TXLNB: variants seen among roughly 807,000 people sequenced by gnomAD.
TXLNB encodes beta-taxilin.
A neutral mutation model predicts 57.4 loss-of-function variants in TXLNB; 37 were observed. The observed-to-expected ratio is 0.64, with a 90% CI of 0.50 to 0.85. The LOEUF (loss-of-function observed/expected upper bound fraction) is 0.85, where lower values mean the gene tolerates loss of function less well. TXLNB is among the 40% of genes least tolerant of loss of function. The pLI is 0.00. For missense variants in TXLNB, 848 were observed against 825.6 expected (o/e 1.03, Z -0.33); for synonymous variants, 302 against 309.6 (o/e 0.98, Z 0.26).
upstream of TXLNB, among the ~76,000 whole-genome samples, chr6:139,296,912 C>CAAAG (rs927939817): frequency 6.6e-6 from 1 of 150,504 alleles, no homozygotes; most frequent in African/African-American, 2.5e-5. Flanking sequence ...AACAAACAAA[C>CAAAG]AAAGCCAACA....
the TXLNB span, among the ~76,000 whole-genome samples, chr6:139,171,229 G>T: frequency 6.6e-6 from 1 of 151,240 alleles, no homozygotes; most frequent in African/African-American, 2.4e-5. Flanking sequence ...AGGAAGAAAA[G>T]AGAAAAAAAA....
chr6:139,214,289 T>G, the TXLNB span, among the ~76,000 whole-genome samples: 1 of 152,304 alleles, frequency 6.6e-6, no homozygotes, highest in African/African-American at 2.4e-5. Flanking sequence ...CATGATCAAG[T>G]GGGCTTCATC....
At chr6:139,297,041 G>T in the TXLNB span, among the ~76,000 whole-genome samples, 2 of 152,034 alleles carry the variant, frequency 1.3e-5, no homozygotes, top group Non-Finnish European at 2.9e-5. Flanking sequence ...AGGGAAATCA[G>T]CTTGCCCCTC....
chr6:139,219,949 C>T, the TXLNB span, among the ~76,000 whole-genome samples: 6 of 152,268 alleles, frequency 3.9e-5, no homozygotes, highest in East Asian at 1.9e-4. Context: ...ATATGGTCAC[C>T]GTAATTACCC....
the TXLNB span, among the ~76,000 whole-genome samples, chr6:139,223,852 T>G: frequency 1.3e-5 from 2 of 151,838 alleles, no homozygotes; most frequent in Non-Finnish European, 2.9e-5. Flanking sequence ...TTGGTGAGAC[T>G]GTAAACTAGT....
chr6:139,173,822 AAG>A, the TXLNB span, among the ~76,000 whole-genome samples: 1 of 152,232 alleles, frequency 6.6e-6, no homozygotes, highest in Non-Finnish European at 1.5e-5. Context: ...AATTACGAGT[AAG>A]ATATAATTCT....
chr6:139,183,116 A>T, the TXLNB span: 1 of 152,326 alleles, frequency 6.6e-6, no homozygotes, highest in African/African-American at 2.4e-5. Flanking sequence ...CCCACATGGT[A>T]AATGTTTGTG....
At chr6:139,295,022 TCA>T (rs1253915634), upstream of TXLNB, among the ~76,000 whole-genome samples, 1 of 152,034 alleles carries the variant, frequency 6.6e-6, no homozygotes, top group Non-Finnish European at 1.5e-5. Context: ...TATTAGTCAC[TCA>T]GTTTATGTTA....
chr6:139,262,904 T>C, intron 4 of TXLNB, 131 bp from the exon 5 acceptor site: 1 of 815,836 alleles, frequency 1.2e-6, no homozygotes, highest in Non-Finnish European at 1.9e-6. Flanking sequence ...GAGCTAAAGC[T>C]GCTCAGCCCC....
the TXLNB span, among the ~76,000 whole-genome samples, chr6:139,227,616 C>T: frequency 1.3e-5 from 2 of 152,110 alleles, no homozygotes; most frequent in African/African-American, 2.4e-5. Context: ...CTGTAGTGGA[C>T]ACTAATTGGA....
At chr6:139,305,966 G>A in the TXLNB span, among the ~76,000 whole-genome samples, 1 of 152,058 alleles carries the variant, frequency 6.6e-6, no homozygotes, top group East Asian at 1.9e-4. Context: ...ATTAATATTC[G>A]TGTAAAGTAG....
At chr6:139,212,221 C>T in the TXLNB span, among the ~76,000 whole-genome samples, 1 of 152,114 alleles carries the variant, frequency 6.6e-6, no homozygotes, top group Non-Finnish European at 1.5e-5. Context: ...TTAAGCGCAG[C>T]CAGAGAGAAA....
chr6:139,206,673 C>CAA, the TXLNB span, among the ~76,000 whole-genome samples: 451 of 118,794 alleles, frequency 3.8e-3, 1 homozygote, highest in Middle Eastern at 0.013. Flanking sequence ...GACTCCATCT[C>CAA]AAAAAAAAAA....
the TXLNB span, chr6:139,176,797 G>A: frequency 1.6e-6 from 1 of 615,324 alleles, no homozygotes. The surrounding 1 kb of genome is among the most constrained non-coding windows in gnomAD (Gnocchi z 4.5). Flanking sequence ...AGTCTTTCAG[G>A]TATACCCCGT....
At chr6:139,180,976 G>A in the TXLNB span, among the ~76,000 whole-genome samples, 1 of 152,150 alleles carries the variant, frequency 6.6e-6, no homozygotes, top group African/African-American at 2.4e-5. Context: ...CTTTTTTGCT[G>A]CTTGCGTCAT....
chr6:139,272,160 A>G (rs1776781505), intron 3 of TXLNB, among the ~76,000 whole-genome samples: 1 of 151,984 alleles, frequency 6.6e-6, no homozygotes, highest in South Asian at 2.1e-4. Context: ...TACATAAATT[A>G]GCCGGGCGTG....
chr6:139,303,268 G>A, the TXLNB span, among the ~76,000 whole-genome samples: 3 of 152,042 alleles, frequency 2.0e-5, no homozygotes, highest in Admixed American at 6.6e-5. Flanking sequence ...AATGTTACTC[G>A]CTTACAAAGT....
At chr6:139,246,713 G>A (rs1322938499) in intron 8 of TXLNB, among the ~76,000 whole-genome samples, 3 of 151,978 alleles carry the variant, frequency 2.0e-5, no homozygotes, top group African/African-American at 4.8e-5. Flanking sequence ...TCAGGAGTTC[G>A]AGACCAGCCT....
At chr6:139,226,328 GAGAT>G in the TXLNB span, among the ~76,000 whole-genome samples, 1 of 39,740 alleles carries the variant, frequency 2.5e-5, no homozygotes, top group Non-Finnish European at 5.7e-5. Flanking sequence ...AAAAAAAAAA[GAGAT>G]AGAGAGAGAG....
Sources: allele counts gnomAD v4.1 joint callset (sites outside exome capture counted in the v4.1 genomes callset), GRCh38; gene constraint gnomAD v4.1.1; non-coding constraint Gnocchi (gnomAD v3.1); transcripts MANE v1.5; gene names NCBI Gene and HGNC (gene_info 2026-07-23, HGNC 2026-07-21).